The following SEMA3A variants were observed in gnomAD, a reference collection of about 807,000 sequenced individuals.
SEMA3A encodes the protein semaphorin 3A.
In SEMA3A, 29 loss-of-function variants were observed where a neutral mutation model predicts 97.9. The observed-to-expected ratio is 0.30, with a 90% CI of 0.22 to 0.40. The LOEUF (loss-of-function observed/expected upper bound fraction) is 0.40. Ranked by LOEUF, SEMA3A falls within the 10% of genes least tolerant of loss-of-function variation. SEMA3A has a pLI of 1.00. For missense variants in SEMA3A, 763 were observed against 951.3 expected, an observed-to-expected ratio of 0.80 and a Z score of 2.60; for synonymous variants, 321 against 323.7, an observed-to-expected ratio of 0.99 and a Z score of 0.09.
chr7:84,075,012 AT>A (rs575769447), intron 4 of SEMA3A, among the ~76,000 whole-genome samples: 59 of 151,918 alleles, frequency 3.9e-4, no homozygotes, highest in African/African-American at 1.4e-3. Context: ...CTAGGCTAGA[AT>A]TTTTTTTACT....
chr7:84,033,703 A>G (rs371334497), intron 6 of SEMA3A, among the ~76,000 whole-genome samples: 2 of 152,182 alleles, frequency 1.3e-5, no homozygotes, highest in African/African-American at 2.4e-5. Context: ...AATCAAAAGT[A>G]TAATATACTT....
chr7:84,198,706 A>AATTAAG (rs1798292693), upstream of SEMA3A, among the ~76,000 whole-genome samples: 1 of 152,246 alleles, frequency 6.6e-6, no homozygotes, highest in Admixed American at 6.5e-5. Context: ...CCGTGGAGTT[A>AATTAAG]CATTTCAGCA....
At chr7:84,114,179 A>G (rs1014762746) in intron 3 of SEMA3A, among the ~76,000 whole-genome samples, 5 of 152,126 alleles carry the variant, frequency 3.3e-5, no homozygotes, top group Non-Finnish European at 5.9e-5. Context: ...TTTTTAACTA[A>G]CTTCCGATAA....
At chr7:83,995,372 G>GAAAC (rs901241473) in intron 12 of SEMA3A, among the ~76,000 whole-genome samples, 1 of 152,086 alleles carries the variant, frequency 6.6e-6, no homozygotes, top group African/African-American at 2.4e-5. Context: ...TATGAATGGT[G>GAAAC]AAACATAAAA....
At chr7:84,215,418 C>T (rs946893524) in intron 3 of SEMA3A, among the ~76,000 whole-genome samples, 25 of 93,740 alleles carry the variant, frequency 2.7e-4, no homozygotes, top group African/African-American at 1.1e-3. Context: ...GAACTCCTGA[C>T]CTTAGATGAT....
intron 1 of SEMA3A, among the ~76,000 whole-genome samples, chr7:84,394,382 G>A (rs1017261237): frequency 6.6e-6 from 1 of 152,110 alleles, no homozygotes; most frequent in Admixed American, 6.6e-5. Context: ...AGACTGTCAT[G>A]TTGGGAGAGA....
intron 1 of SEMA3A, among the ~76,000 whole-genome samples, chr7:84,418,429 C>T (rs995426173): frequency 6.6e-6 from 1 of 152,072 alleles, no homozygotes; most frequent in African/African-American, 2.4e-5. Context: ...TTACCTCCCA[C>T]CAGGTCCCAC....
At chr7:83,991,870 G>C (rs374221268) in intron 12 of SEMA3A, among the ~76,000 whole-genome samples, 22 of 144,996 alleles carry the variant, frequency 1.5e-4, no homozygotes, top group East Asian at 8.2e-4. Flanking sequence ...TTTTTCTATT[G>C]ATTGGAATAG....
intron 1 of SEMA3A, among the ~76,000 whole-genome samples, chr7:84,438,547 C>T (rs1043188875): frequency 2.6e-5 from 4 of 152,014 alleles, no homozygotes; most frequent in African/African-American, 9.7e-5. Context: ...TTGGGGTTAA[C>T]GTGAAGCATG....
At chr7:84,353,644 GA>G (rs1802486062) in intron 2 of SEMA3A, among the ~76,000 whole-genome samples, 1 of 151,530 alleles carries the variant, frequency 6.6e-6, no homozygotes, top group African/African-American at 2.4e-5. Context: ...AAAATATGAA[GA>G]AAAAGTGTTT....
At chr7:84,219,851 AC>A (rs1457985088) in intron 3 of SEMA3A, among the ~76,000 whole-genome samples, 3 of 151,980 alleles carry the variant, frequency 2.0e-5, no homozygotes, top group African/African-American at 7.3e-5. Context: ...GCATGAACCA[AC>A]CCCTGCTAGC....
At chr7:84,127,503 C>T (rs994848707) in intron 3 of SEMA3A, among the ~76,000 whole-genome samples, 6 of 152,066 alleles carry the variant, frequency 3.9e-5, no homozygotes. Context: ...TGCAGCAGTA[C>T]CCCTGAATAA....
At chr7:83,985,992 A>T (rs1789617605) in intron 12 of SEMA3A, among the ~76,000 whole-genome samples, 1 of 152,180 alleles carries the variant, frequency 6.6e-6, no homozygotes, top group Admixed American at 6.5e-5. Context: ...ATGGGGATAT[A>T]TGGTCATTTT....
intron 1 of SEMA3A, among the ~76,000 whole-genome samples, chr7:84,150,253 G>A (rs1796588857): frequency 1.3e-5 from 2 of 152,210 alleles, no homozygotes; most frequent in Admixed American, 6.5e-5. Context: ...ATGGCGAACA[G>A]GAACAGCTCC....
chr7:84,418,042 T>C (rs996941311), intron 1 of SEMA3A, among the ~76,000 whole-genome samples: 1 of 152,126 alleles, frequency 6.6e-6, no homozygotes, highest in Non-Finnish European at 1.5e-5. Context: ...CTTGACTGGA[T>C]TGAGGGATGC....
chr7:84,028,239 A>C (rs1791617929), intron 6 of SEMA3A, among the ~76,000 whole-genome samples: 1 of 152,212 alleles, frequency 6.6e-6, no homozygotes, highest in Non-Finnish European at 1.5e-5. Flanking sequence ...TTCATATCAA[A>C]ATATTAGAAA....
chr7:84,047,822 C>T (rs1792413966), intron 5 of SEMA3A, among the ~76,000 whole-genome samples: 1 of 151,908 alleles, frequency 6.6e-6, no homozygotes, highest in Middle Eastern at 3.4e-3. Flanking sequence ...GTTCACGTAC[C>T]TAATTCTTAC....
In SEMA3A at chr7:84,013,401, T is replaced by G. The variant is rs1285219126; in HGVS notation, c.810+808A>C. Among the ~76,000 whole-genome samples the G allele has an allele frequency of 2.0e-5, 3 of 152,178 alleles. No homozygotes were observed. In the East Asian group the frequency reaches 5.8e-4, roughly 29 times the overall value. ...CACACAATAAGTGAAATACCTCAGATAGTTAAAGCTCACAGCTTCAAAATT... is the reference window on the plus strand; with the variant it reads ...CACACAATAAGTGAAATACCTCAGAGAGTTAAAGCTCACAGCTTCAAAATT... On this transcript the variant is annotated intron_variant, in intron 7 of 16. Transcript: ENST00000265362.
rs960043001 is a variant in SEMA3A, at chr7:84,373,160, C to A, written c.-245-1260G>T. On this transcript the variant is annotated intron_variant, in intron 1 of 3. Coordinates refer to the SEMA3A transcript ENST00000424555. Reference sequence around the variant, plus strand: ...AGCCAAGCCCAGACTAAATAAGTGTCCCCAGTCAACCTGTAGAAACTAGAG... The same window carrying A: ...AGCCAAGCCCAGACTAAATAAGTGTACCCAGTCAACCTGTAGAAACTAGAG... Among the ~76,000 whole-genome samples, 11 of 152,306 alleles carry A rather than the reference C, an allele frequency of 7.2e-5. No individual in the cohort carries two copies. In the East Asian group the frequency reaches 1.9e-3, roughly 27 times the overall value.
Sources: gnomAD v4.1 joint callset for allele counts (sites outside exome capture counted in the v4.1 genomes callset) on GRCh38, gnomAD v4.1.1 for gene constraint, MANE v1.5 for transcripts, NCBI Gene and HGNC (gene_info 2026-07-23, HGNC 2026-07-21) for gene names.